NSMCE2: variants seen among roughly 807,000 people sequenced by gnomAD.
The protein encoded by NSMCE2 is E3 SUMO-protein ligase NSE2.
In NSMCE2, 24 loss-of-function variants were observed where a neutral mutation model predicts 23.8. That is an observed-to-expected ratio of 1.01 (90% confidence interval 0.73 to 1.42). NSMCE2 has a LOEUF of 1.42. Ranked by LOEUF, NSMCE2 falls within the 40% of genes most tolerant of loss-of-function variation. NSMCE2 has a pLI of 0.00. For synonymous variants in NSMCE2, 92 were observed against 94.1 expected (o/e 0.98, Z 0.13); for missense variants, 284 against 296.5 (o/e 0.96, Z 0.31).
intron 3 of NSMCE2, among the ~76,000 whole-genome samples, chr8:125,147,566 G>A (rs1173304566): frequency 6.6e-6 from 1 of 152,140 alleles, no homozygotes; most frequent in Non-Finnish European, 1.5e-5. Context: ...TAATTTAAAA[G>A]CAGGTAGGGC....
At chr8:125,189,613 G>A (rs1823256573) in intron 5 of NSMCE2, among the ~76,000 whole-genome samples, 1 of 152,184 alleles carries the variant, frequency 6.6e-6, no homozygotes, top group Non-Finnish European at 1.5e-5. Flanking sequence ...TCAGAACATA[G>A]TTAAGGCAGT....
At chr8:125,220,604 ACT>A (rs1194012824) in intron 5 of NSMCE2, among the ~76,000 whole-genome samples, 2 of 151,388 alleles carry the variant, frequency 1.3e-5, no homozygotes, top group African/African-American at 2.4e-5. Context: ...TAATAAAATG[ACT>A]CTTTCAGAAG....
intron 7 of NSMCE2, among the ~76,000 whole-genome samples, chr8:125,363,666 G>A (rs1412986131): frequency 2.8e-5 from 4 of 143,392 alleles, no homozygotes; most frequent in Non-Finnish European, 6.1e-5. Flanking sequence ...GAAGAGAGGA[G>A]GGCGGGGAGG....
At chr8:125,128,231 A>G (rs1819601387) in intron 3 of NSMCE2, among the ~76,000 whole-genome samples, 2 of 152,162 alleles carry the variant, frequency 1.3e-5, no homozygotes, top group African/African-American at 2.4e-5. Flanking sequence ...TTTATTTTGC[A>G]TTATTCTCTG....
At chr8:125,259,063 C>T (rs867471712) in intron 5 of NSMCE2, among the ~76,000 whole-genome samples, 1 of 152,248 alleles carries the variant, frequency 6.6e-6, no homozygotes, top group Middle Eastern at 3.4e-3. Context: ...CTATCACACC[C>T]GGCTAATTTT....
chr8:125,322,873 A>G (rs1829510093), intron 5 of NSMCE2, among the ~76,000 whole-genome samples: 1 of 152,252 alleles, frequency 6.6e-6, no homozygotes, highest in African/African-American at 2.4e-5. Context: ...AATACTGCCA[A>G]CATGGCAAAA....
chr8:125,227,393 G>A (rs747675814), intron 5 of NSMCE2, among the ~76,000 whole-genome samples: 14 of 152,220 alleles, frequency 9.2e-5, no homozygotes, highest in Non-Finnish European at 1.6e-4. Context: ...GCAGCTCAGA[G>A]AGCAAGTCAT....
At chr8:125,225,570 G>A (rs888263911) in intron 5 of NSMCE2, among the ~76,000 whole-genome samples, 3 of 152,184 alleles carry the variant, frequency 2.0e-5, no homozygotes, top group African/African-American at 7.2e-5. Flanking sequence ...CAAAGTCTAA[G>A]GGTACAGTGA....
intron 5 of NSMCE2, among the ~76,000 whole-genome samples, chr8:125,222,018 T>TTTTC (rs757012574): frequency 6.6e-6 from 1 of 152,126 alleles, no homozygotes; most frequent in East Asian, 1.9e-4. Context: ...GGCCTGGAAG[T>TTTTC]TTTCTTTCTT....
intron 5 of NSMCE2, among the ~76,000 whole-genome samples, chr8:125,251,292 A>T (rs1247928040): frequency 6.6e-6 from 1 of 152,234 alleles, no homozygotes; most frequent in Non-Finnish European, 1.5e-5. Context: ...CAATAATGAC[A>T]TAATACAGAA....
chr8:125,108,190 T>C (rs1366970179), intron 3 of NSMCE2, among the ~76,000 whole-genome samples: 2 of 152,236 alleles, frequency 1.3e-5, no homozygotes, highest in East Asian at 1.9e-4. Context: ...TGATTGCTTA[T>C]GAATAGGAGG....
chr8:125,344,132 T>G (rs1181913727), intron 5 of NSMCE2, among the ~76,000 whole-genome samples: 2 of 152,222 alleles, frequency 1.3e-5, no homozygotes, highest in South Asian at 4.1e-4. Context: ...GTTGAGCAAT[T>G]GTAAATCTTA....
intron 5 of NSMCE2, among the ~76,000 whole-genome samples, chr8:125,331,811 C>G (rs923980560): frequency 3.3e-5 from 5 of 152,188 alleles, no homozygotes; most frequent in African/African-American, 1.2e-4. Context: ...CCACTTCTTG[C>G]AATCACAAAT....
At chr8:125,314,348 G>A (rs1829092535) in intron 5 of NSMCE2, among the ~76,000 whole-genome samples, 1 of 152,100 alleles carries the variant, frequency 6.6e-6, no homozygotes, top group Non-Finnish European at 1.5e-5. Context: ...GGAGTCCAGT[G>A]GCACGATCTC....
At chr8:125,301,334 A>G (rs1448701082) in intron 5 of NSMCE2, among the ~76,000 whole-genome samples, 1 of 152,202 alleles carries the variant, frequency 6.6e-6, no homozygotes, top group Non-Finnish European at 1.5e-5. Context: ...TTCCCTGGCC[A>G]AAGGTAATAG....
At chr8:125,209,460 C>G (rs1184660136) in intron 5 of NSMCE2, among the ~76,000 whole-genome samples, 1 of 152,070 alleles carries the variant, frequency 6.6e-6, no homozygotes, top group Admixed American at 6.6e-5. Context: ...TATATTTAAA[C>G]TATTTTGAGA....
chr8:125,358,490 T>C (rs1051863146), intron 7 of NSMCE2, among the ~76,000 whole-genome samples: 8 of 150,980 alleles, frequency 5.3e-5, no homozygotes, highest in African/African-American at 1.9e-4. Context: ...TATCTTTAAA[T>C]ATATATAATA....
chr8:125,250,738 C>T (rs1172543739), intron 5 of NSMCE2, among the ~76,000 whole-genome samples: 5 of 152,008 alleles, frequency 3.3e-5, no homozygotes, highest in Non-Finnish European at 7.4e-5. Context: ...GCAGCCTCAC[C>T]CTCCCCAGCT....
intron 5 of NSMCE2, among the ~76,000 whole-genome samples, chr8:125,285,754 ACG>A (rs1348694596): frequency 2.6e-4 from 7 of 26,984 alleles, no homozygotes; most frequent in African/African-American, 4.4e-4. Context: ...CTTCATACAC[ACG>A]CACACACACA....
Sources: gnomAD v4.1 joint callset for allele counts (sites outside exome capture counted in the v4.1 genomes callset) on GRCh38, gnomAD v4.1.1 for gene constraint, MANE v1.5 for transcripts, NCBI Gene and HGNC (gene_info 2026-07-23, HGNC 2026-07-21) for gene names.